The following WWOX variants were observed in gnomAD, a reference collection of about 807,000 sequenced individuals.
The protein encoded by WWOX is WW domain containing oxidoreductase.
WWOX carries 69 observed loss-of-function variants against 46.2 expected under a neutral mutation model. That is an observed-to-expected ratio of 1.49 (90% CI 1.23 to 1.82). WWOX has a LOEUF of 1.82. Ranked by LOEUF, WWOX falls within the 40% of genes most tolerant of loss-of-function variation. The pLI, the probability that WWOX is intolerant of heterozygous loss-of-function variation, is 0.00. For synonymous variants in WWOX, 359 were observed against 202.6 expected, an observed-to-expected ratio of 1.77 and a Z score of -6.56; for missense variants, 919 against 542.6, an observed-to-expected ratio of 1.69 and a Z score of -6.89.
chr16:78,850,541 G>A (rs191842730), intron 8 of WWOX, among the ~76,000 whole-genome samples: 9 of 152,232 alleles, frequency 5.9e-5, no homozygotes, highest in Non-Finnish European at 7.4e-5. Context: ...GCAATGAAAC[G>A]TTTGTATATA....
At chr16:78,711,795 A>C (rs1432611971) in intron 8 of WWOX, among the ~76,000 whole-genome samples, 1 of 152,114 alleles carries the variant, frequency 6.6e-6, no homozygotes, top group African/African-American at 2.4e-5. Context: ...AGCCTTCTCA[A>C]AGCCTCCTGC....
At chr16:78,904,188 G>A (rs1542934) in intron 8 of WWOX, among the ~76,000 whole-genome samples, 148,383 of 150,670 alleles carry the variant, frequency 0.98, 73,077 homozygotes, top group Middle Eastern at 1. Flanking sequence ...GAAGTTAGCA[G>A]TTACAGGTGC....
At chr16:78,261,772 G>GTATATATATATATATATATA (rs1428611663) in intron 5 of WWOX, among the ~76,000 whole-genome samples, 1 of 129,990 alleles carries the variant, frequency 7.7e-6, no homozygotes, top group Non-Finnish European at 1.6e-5. Context: ...ATCTATCTAT[G>GTATATATATATATATATATA]TATCTATCTA....
chr16:78,116,611 C>A (rs1163671267), intron 4 of WWOX, among the ~76,000 whole-genome samples: 1 of 152,024 alleles, frequency 6.6e-6, no homozygotes, highest in African/African-American at 2.4e-5. Flanking sequence ...TCATTGAAGT[C>A]AAAACTGATG....
chr16:78,856,558 C>T (rs1106695), intron 8 of WWOX, among the ~76,000 whole-genome samples: 37,048 of 151,986 alleles, frequency 0.24, 5,450 homozygotes, highest in Middle Eastern at 0.38. Context: ...CAGGAGAATC[C>T]CTTGAACCCA....
chr16:78,383,388 T>G (rs1472771308), intron 5 of WWOX, among the ~76,000 whole-genome samples: 1 of 152,150 alleles, frequency 6.6e-6, no homozygotes, highest in African/African-American at 2.4e-5. Context: ...ATAATTAGTT[T>G]CAAATAAAAG....
intron 4 of WWOX, among the ~76,000 whole-genome samples, chr16:78,129,203 G>T (rs535774272): frequency 4.6e-5 from 7 of 152,138 alleles, no homozygotes; most frequent in Admixed American, 1.3e-4. Flanking sequence ...GGCCTGATCC[G>T]GGAGGGATTT....
At chr16:78,607,612 G>C (rs1050319566) in intron 8 of WWOX, among the ~76,000 whole-genome samples, 1 of 151,632 alleles carries the variant, frequency 6.6e-6, no homozygotes, top group Non-Finnish European at 1.5e-5. Context: ...GAGGCATTCA[G>C]CTGGCGTAAG....
At chr16:79,077,699 C>G (rs189517514) in intron 8 of WWOX, among the ~76,000 whole-genome samples, 1 of 149,898 alleles carries the variant, frequency 6.7e-6, no homozygotes, top group Non-Finnish European at 1.5e-5. Flanking sequence ...TAATGAAATA[C>G]CAGCAAGAAT....
intron 8 of WWOX, among the ~76,000 whole-genome samples, chr16:78,803,666 C>T (rs2050954297): frequency 6.6e-6 from 1 of 151,882 alleles, no homozygotes; most frequent in South Asian, 2.1e-4. Flanking sequence ...CCTATGTTGC[C>T]CAGGTTGCTC....
intron 8 of WWOX, among the ~76,000 whole-genome samples, chr16:78,566,328 T>G (rs2044564767): frequency 6.6e-6 from 1 of 152,184 alleles, no homozygotes; most frequent in South Asian, 2.1e-4. Flanking sequence ...CCATAACAAC[T>G]ATCTCACTTA....
At chr16:78,420,331 T>C (rs950767694) in intron 6 of WWOX, among the ~76,000 whole-genome samples, 1 of 152,172 alleles carries the variant, frequency 6.6e-6, no homozygotes, top group African/African-American at 2.4e-5. Flanking sequence ...TACATAGTAG[T>C]GATATTCCTA....
intron 5 of WWOX, among the ~76,000 whole-genome samples, chr16:78,348,416 A>G (rs548783797): frequency 8.2e-6 from 1 of 121,386 alleles, no homozygotes; most frequent in South Asian, 2.5e-4. Flanking sequence ...AGGAGAAAAA[A>G]GATCATAGAG....
In WWOX at chr16:78,363,564, C is replaced by T. The variant is rs1237795668; in HGVS notation, c.517-23296C>T. ...AAAGTGCTGGGAATACAGGTGTGAG[C>T]CACTGTCCCAGGCCAGTTTTAACTC... On this transcript the variant is annotated intron_variant, in intron 5 of 8. Coordinates refer to ENST00000566780, the MANE Select transcript of WWOX (RefSeq NM_016373.4). Among the ~76,000 whole-genome samples, 6 of 152,274 alleles carry T rather than the reference C, an allele frequency of 3.9e-5. 1 individual carries two copies. The East Asian group carries it at 7.7e-4, about 20-fold the overall frequency.
Position 78,628,869 on chromosome 16 carries a change from A to G in WWOX, c.1056+196117A>G, listed in dbSNP as rs147764603. On this transcript the variant is annotated intron_variant, in intron 8 of 8. Transcript: ENST00000566780. ...AGGGATTAAGAGGCCACTGTTGTGA[A>G]TCTCCCATTAGTGATGGTCCCAGGC... Among the ~76,000 whole-genome samples, 585 of 152,236 alleles carry G rather than the reference A, an allele frequency of 3.8e-3. 3 individuals are homozygous for G. Among genetic ancestry groups the G allele is most frequent in the African/African-American group, 0.013 (547 of 41,552 alleles).
intron 8 of WWOX, among the ~76,000 whole-genome samples, chr16:78,940,698 A>G (rs1277120864): frequency 2.0e-5 from 3 of 147,530 alleles, no homozygotes; most frequent in Non-Finnish European, 3.0e-5. Flanking sequence ...TTCCTTTTGA[A>G]TGACCACAAA....
chr16:78,277,633 C>G (rs1346506140), intron 5 of WWOX, among the ~76,000 whole-genome samples: 1 of 152,160 alleles, frequency 6.6e-6, no homozygotes, highest in Non-Finnish European at 1.5e-5. Context: ...GCATTTAGTT[C>G]TCTGCAAAGA....
Position 79,212,227 on chromosome 16 carries a change from T to G in WWOX, c.*431T>G. 7.2e-7 allele frequency: 1 copy of G among 1,382,238 alleles called. No homozygotes were observed. Among genetic ancestry groups the G allele is most frequent in the Non-Finnish European group, 9.5e-7 (1 of 1,049,962 alleles). The allele number at this position is 1,382,238 out of a possible 1,614,324, so 85.6% of individuals were successfully genotyped here. On this transcript the variant is annotated 3_prime_UTR_variant, in exon 9 of 9. Coordinates refer to ENST00000566780, the MANE Select transcript of WWOX (RefSeq NM_016373.4). ...TAGGGAAGAAAAAGCAAGTGTTCACTGCTCCTTGCTGCATTGATCCAGGAG... is the reference window on the plus strand; with the variant it reads ...TAGGGAAGAAAAAGCAAGTGTTCACGGCTCCTTGCTGCATTGATCCAGGAG...
At chr16:78,144,500 CATAT>C (rs1206539263) in intron 4 of WWOX, among the ~76,000 whole-genome samples, 398 of 21,820 alleles carry the variant, frequency 0.018, 37 homozygotes, top group African/African-American at 0.054. Flanking sequence ...CACACACACA[CATAT>C]ATATATATAT....
Sources: allele counts gnomAD v4.1 joint callset (sites outside exome capture counted in the v4.1 genomes callset), GRCh38; gene constraint gnomAD v4.1.1; transcripts MANE v1.5; gene names NCBI Gene and HGNC (gene_info 2026-07-23, HGNC 2026-07-21).